CLPSL1: variants seen among roughly 807,000 people sequenced by gnomAD.
The protein encoded by CLPSL1 is colipase like 1.
CLPSL1 carries 13 observed loss-of-function variants against 9.3 expected under a neutral mutation model. The ratio of observed to expected loss-of-function variants is 1.40; its 90% CI spans 0.91 to 2.22. The LOEUF is 2.22. CLPSL1 is among the 30% of genes most tolerant of loss of function. CLPSL1 has a pLI of 0.00. For missense variants in CLPSL1, 164 were observed against 146.6 expected (o/e 1.12, Z -0.61); for synonymous variants, 58 against 56.9 (o/e 1.02, Z -0.08).
At chr6:35,783,054 C>T (rs1767996555) in intron 1 of CLPSL1, among the ~76,000 whole-genome samples, 1 of 152,116 alleles carries the variant, frequency 6.6e-6, no homozygotes, top group African/African-American at 2.4e-5. Context: ...TGCAGACCCC[C>T]TCATCACTAC....
intron 1 of CLPSL1, among the ~76,000 whole-genome samples, chr6:35,783,792 C>T (rs377461726): frequency 2.2e-5 from 3 of 138,946 alleles, no homozygotes; most frequent in African/African-American, 8.3e-5. Flanking sequence ...TGGGCGACGG[C>T]GAGACTCTAT....
intron 1 of CLPSL1, chr6:35,793,485 C>T (rs1768263185): frequency 2.1e-6 from 1 of 471,406 alleles, no homozygotes; most frequent in Non-Finnish European, 4.4e-6. Context: ...CCCGCCTTCC[C>T]AGCTGCCAGC....
chr6:35,787,312 A>G (rs1031019583), intron 2 of CLPSL1, among the ~76,000 whole-genome samples, 192 bp downstream of exon 2: 21 of 152,244 alleles, frequency 1.4e-4, no homozygotes, highest in Non-Finnish European at 1.0e-4. Context: ...AGCCCACCCT[A>G]GGGTTTTGGA....
At chr6:35,785,793 TA>T (rs1768059115) in intron 1 of CLPSL1, among the ~76,000 whole-genome samples, 1 of 151,444 alleles carries the variant, frequency 6.6e-6, no homozygotes, top group African/African-American at 2.4e-5. Flanking sequence ...CTACAAAAAA[TA>T]AAAAAATTAG....
intron 1 of CLPSL1, among the ~76,000 whole-genome samples, chr6:35,785,536 C>T (rs1292257551): frequency 6.6e-6 from 1 of 152,134 alleles, no homozygotes; most frequent in East Asian, 1.9e-4. Flanking sequence ...CCCGGGCTCA[C>T]TCACCCAACA....
intron 1 of CLPSL1, among the ~76,000 whole-genome samples, chr6:35,786,322 G>T (rs1352164337): frequency 6.6e-6 from 1 of 152,238 alleles, no homozygotes; most frequent in Non-Finnish European, 1.5e-5. Flanking sequence ...GTGCTCAGTA[G>T]TGGCTAGTGG....
chr6:35,790,284 G>A (rs1034841138), downstream of CLPSL1, among the ~76,000 whole-genome samples: 3 of 152,222 alleles, frequency 2.0e-5, no homozygotes, highest in African/African-American at 7.2e-5. Context: ...AATATAAAAT[G>A]CTTTAAAACA....
chr6:35,786,948 G>T, intron 1 of CLPSL1, 50 bp from the exon 2 acceptor site: 1 of 1,545,690 alleles, frequency 6.5e-7, no homozygotes. Context: ...GGGGCGGCGA[G>T]GGCGGAAGGC....
Position 35,781,107 on chromosome 6 carries a change from G to A in CLPSL1, c.-4G>A, listed in dbSNP as rs1421839530. On this transcript the variant is annotated 5_prime_UTR_variant, in exon 1 of 3. Transcript: ENST00000373861. ...CCTAGAAAAGCCACCACGACCTGTG[G>A]GCCATGATGCTACCCCAATGGCTGC... The A allele has an allele frequency of 6.2e-7, 1 of 1,613,720 alleles. No individual in the cohort carries two copies. The highest frequency in any genetic ancestry group is 8.5e-7 in the Non-Finnish European group (1 of 1,179,804).
intron 1 of CLPSL1, among the ~76,000 whole-genome samples, chr6:35,784,652 C>G (rs1334677467): frequency 1.3e-5 from 2 of 152,142 alleles, no homozygotes; most frequent in African/African-American, 4.8e-5. Flanking sequence ...GTAATCCCAA[C>G]ATTTTGGGAG....
chr6:35,791,272 T>C (rs1768202187), downstream of CLPSL1, among the ~76,000 whole-genome samples: 1 of 152,248 alleles, frequency 6.6e-6, no homozygotes, highest in Non-Finnish European at 1.5e-5. Flanking sequence ...TGGGGCTACA[T>C]CCTGATAAAC....
chr6:35,782,808 G>C (rs1471214078), intron 1 of CLPSL1, among the ~76,000 whole-genome samples: 1 of 152,118 alleles, frequency 6.6e-6, no homozygotes, highest in Non-Finnish European at 1.5e-5. Flanking sequence ...GGATGGTGAG[G>C]GGGTACCTGG....
At chr6:35,793,289 G>A (rs1021623766) in intron 1 of CLPSL1, among the ~76,000 whole-genome samples, 22 of 152,260 alleles carry the variant, frequency 1.4e-4, no homozygotes, top group Non-Finnish European at 3.1e-4. Context: ...GCCAGGCGTG[G>A]TGGCAGGCGC....
At chr6:35,788,339 C>G (rs145269806), downstream of CLPSL1, among the ~76,000 whole-genome samples, 563 of 152,244 alleles carry the variant, frequency 3.7e-3, no homozygotes, top group African/African-American at 0.011. Context: ...CCACCCCAAC[C>G]CCTTTCTGCC....
In CLPSL1 at chr6:35,785,111, G is replaced by A. The variant is rs541351219; in HGVS notation, c.100-1887G>A. 1.3e-4 allele frequency among the ~76,000 whole-genome samples: 20 copies of A among 151,998 alleles called. No homozygotes were observed. The South Asian group carries it at 3.7e-3, about 28-fold the overall frequency. On this transcript the variant is annotated intron_variant, in intron 1 of 2. Coordinates refer to ENST00000373861, the MANE Select transcript of CLPSL1 (RefSeq NM_001010886.5). ...GAAGTGAGCACATGCAGGGTGTTTA[G>A]GAAGTTGTACGCATGCCCATCTGAG...
chr6:35,781,540 G>T (rs1581949816), intron 1 of CLPSL1, among the ~76,000 whole-genome samples: 1 of 152,138 alleles, frequency 6.6e-6, no homozygotes, highest in East Asian at 1.9e-4. Flanking sequence ...TACATTTAGT[G>T]ATAGGGCTGT....
downstream of CLPSL1, among the ~76,000 whole-genome samples, chr6:35,788,411 C>T (rs1180398512): frequency 1.3e-5 from 2 of 152,240 alleles, no homozygotes; most frequent in East Asian, 1.9e-4. Flanking sequence ...TCCAGTTCCA[C>T]GACCTTAAAT....
chr6:35,793,308 C>T (rs6919836), intron 1 of CLPSL1, among the ~76,000 whole-genome samples: 38,375 of 150,516 alleles, frequency 0.25, 3,752 homozygotes, highest in Non-Finnish European at 0.29. Context: ...GCCTGTAGTC[C>T]CAGCTACTTG....
At chr6:35,785,399 G>T (rs570706354) in intron 1 of CLPSL1, among the ~76,000 whole-genome samples, 2 of 151,968 alleles carry the variant, frequency 1.3e-5, no homozygotes, top group African/African-American at 4.8e-5. Flanking sequence ...GGATGGTCTC[G>T]ATCTCCTGAC....
Sources: allele counts gnomAD v4.1 joint callset (sites outside exome capture counted in the v4.1 genomes callset), GRCh38; gene constraint gnomAD v4.1.1; transcripts MANE v1.5; gene names NCBI Gene and HGNC (gene_info 2026-07-23, HGNC 2026-07-21).